Variants in MAK16 observed in about 807,000 individuals in gnomAD.
The protein encoded by MAK16 is MAK16 homolog.
A neutral mutation model predicts 49.9 loss-of-function variants in MAK16; 12 were observed. The ratio of observed to expected loss-of-function variants is 0.24; its 90% CI spans 0.15 to 0.39. MAK16 has a LOEUF of 0.39. MAK16 is among the 10% of genes least tolerant of loss of function. The pLI is 1.00. For synonymous variants in MAK16, 115 were observed against 126.4 expected, an observed-to-expected ratio of 0.91 and a Z score of 0.60; for missense variants, 292 against 363.7, an observed-to-expected ratio of 0.80 and a Z score of 1.60.
chr8:33,491,673 G>A (rs936665532), intron 6 of MAK16, among the ~76,000 whole-genome samples: 1 of 99,834 alleles, frequency 1.0e-5, no homozygotes, highest in Non-Finnish European at 1.8e-5. Context: ...TCACTCTATT[G>A]TCCAGGCTGG....
Position 33,499,237 on chromosome 8 carries a change from T to C in MAK16, c.*608T>C. ...CACTTTTCTGATATAGTTCACCACTTTTCTGTCTTCACAGCTTTGGGGAAT... is the reference window on the plus strand; with the variant it reads ...CACTTTTCTGATATAGTTCACCACTCTTCTGTCTTCACAGCTTTGGGGAAT... On this transcript the variant is annotated 3_prime_UTR_variant, in exon 10 of 10. Coordinates refer to ENST00000360128, the MANE Select transcript of MAK16 (RefSeq NM_032509.4). 6.2e-7 allele frequency: 1 copy of C among 1,614,126 alleles called. No homozygotes were observed. Among genetic ancestry groups the C allele is most frequent in the Non-Finnish European group, 8.5e-7 (1 of 1,180,004 alleles).
At chr8:33,487,665 C>G (rs139036973) in intron 1 of MAK16, among the ~76,000 whole-genome samples, 8 of 127,738 alleles carry the variant, frequency 6.3e-5, no homozygotes, top group Non-Finnish European at 3.5e-5. Context: ...TCAAGTGATC[C>G]GCCTGCCTTG....
rs759605878 is a variant in MAK16, at chr8:33,497,293, T to G, written c.701T>G (p.Phe234Cys). 1.9e-6 allele frequency: 3 copies of G among 1,607,816 alleles called. No individual in the cohort carries two copies. Among genetic ancestry groups the G allele is most frequent in the Non-Finnish European group, 1.7e-6 (2 of 1,175,718 alleles). The change falls in exon 9 of 10, where the codon TTT becomes TGT. Residue 234 changes from phenylalanine (F) to cysteine (C), a missense_variant. Coordinates refer to ENST00000360128, the MANE Select transcript of MAK16 (RefSeq NM_032509.4). ...GEVDESDISD[F>C]EDMDKLDASS... The stretch of plus-strand genomic sequence containing the variant: ...GTAGATGAGAGTGACATAAGTGATT[T>G]TGAGGTGAGCTTTATGGGTAAAAAG...
chr8:33,500,293 A>T lies in MAK16; in HGVS notation c.*1664A>T. 6.2e-7 allele frequency: 1 copy of T among 1,612,976 alleles called. No homozygotes were observed. Among genetic ancestry groups the T allele is most frequent in the Non-Finnish European group, 8.5e-7 (1 of 1,179,148 alleles). Reference sequence around the variant, plus strand: ...TCATGGGAATTACATAAGGATAATGAGGCCCAACTGAAACCAAGTTTCAGT... The same window carrying T: ...TCATGGGAATTACATAAGGATAATGTGGCCCAACTGAAACCAAGTTTCAGT... On this transcript the variant is annotated 3_prime_UTR_variant, in exon 10 of 10. Coordinates refer to ENST00000360128, the MANE Select transcript of MAK16 (RefSeq NM_032509.4).
intron 9 of MAK16, among the ~76,000 whole-genome samples, chr8:33,498,027 T>C (rs1014150043): frequency 6.1e-5 from 9 of 148,398 alleles, no homozygotes; most frequent in Non-Finnish European, 1.3e-4. Context: ...ACCTAGGAGA[T>C]GGAGGTTGCA....
chr8:33,498,402 CTTCCTTTATCTT>C lies in MAK16; in HGVS notation c.706-26_706-15del, dbSNP rs1165367733. 2 of 1,604,050 alleles carry C rather than the reference CTTCCTTTATCTT, an allele frequency of 1.2e-6. No individual in the cohort carries two copies. The highest frequency in any genetic ancestry group is 2.7e-5 in the African/African-American group (2 of 74,442). The stretch of plus-strand genomic sequence containing the variant: ...TTTGGAGAAATCTAGTGTTTTCCCT[CTTCCTTTATCTT>C]TTCTCTCCCCGTAATAGGATATGGA... On this transcript the variant is annotated intron_variant, in intron 9 of 9. Coordinates refer to ENST00000360128, the MANE Select transcript of MAK16 (RefSeq NM_032509.4).
At chr8:33,488,332 C>G in intron 1 of MAK16, 46 bp from the exon 2 acceptor site, 1 of 1,587,132 alleles carries the variant, frequency 6.3e-7, no homozygotes, top group South Asian at 1.1e-5. Flanking sequence ...AATATAGTAT[C>G]TCTTGGGGCA....
intron 9 of MAK16, 91 bp downstream of exon 9, chr8:33,497,388 A>T: frequency 1.0e-6 from 1 of 973,654 alleles, no homozygotes; most frequent in Non-Finnish European, 1.6e-6. Flanking sequence ...ACCGTGGTTC[A>T]CTCCTATAAT....
Position 33,489,229 on chromosome 8 carries a change from T to C in MAK16, c.392+90T>C. On this transcript the variant is annotated intron_variant, in intron 5 of 9. Coordinates refer to ENST00000360128, the MANE Select transcript of MAK16 (RefSeq NM_032509.4). This position sits in a 1 kb window ranked among gnomAD's most constrained non-coding sequence, Gnocchi z 4.2. ...GAAATTGTGAAACTTCGGGGCTTTC[T>C]ATTCAACTTTGTGGAGTCTGTTATG... 6 of 1,208,300 alleles carry C rather than the reference T, an allele frequency of 5.0e-6. No individual in the cohort carries two copies. The South Asian group carries it at 8.6e-5, about 17-fold the overall frequency. 74.8% of individuals were successfully genotyped at this position (1,208,300 alleles called of 1,614,324 possible).
intron 6 of MAK16, among the ~76,000 whole-genome samples, chr8:33,492,584 A>T (rs1454323414): frequency 6.6e-6 from 1 of 152,212 alleles, no homozygotes; most frequent in African/African-American, 2.4e-5. Flanking sequence ...ATAGCACAAG[A>T]TAGGGGTCTA....
intron 9 of MAK16, 62 bp downstream of exon 9, chr8:33,497,359 A>C (rs2128825069): frequency 2.6e-6 from 3 of 1,171,700 alleles, no homozygotes; most frequent in Admixed American, 2.1e-5. Context: ...AAAAAACAAA[A>C]ACAGGGAGGT....
chr8:33,494,287 C>T (rs1165187204), intron 6 of MAK16, among the ~76,000 whole-genome samples: 1 of 152,150 alleles, frequency 6.6e-6, no homozygotes, highest in African/African-American at 2.4e-5. Flanking sequence ...GTTTGTCAGG[C>T]TGGTCTTGAT....
rs1474540881 is a variant in MAK16, at chr8:33,489,755, A to C, written c.393-530A>C. The stretch of plus-strand genomic sequence containing the variant: ...AATGATCTAAGACATGTGACTATAC[A>C]GGAATGTAAGAACTTTACTCTGGAT... On this transcript the variant is annotated intron_variant, in intron 5 of 9. Transcript: ENST00000360128. This position sits in a 1 kb window ranked among gnomAD's most constrained non-coding sequence, Gnocchi z 4.2. Among the ~76,000 whole-genome samples the C allele has an allele frequency of 1.3e-5, 2 of 152,346 alleles. No homozygotes were observed. Among genetic ancestry groups the C allele is most frequent in the African/African-American group, 4.8e-5 (2 of 41,596 alleles).
rs1273017636 is a variant in MAK16, at chr8:33,500,464, A to G, written c.*1835A>G. ...ACAAATCAGTTTCAAGAGGGCCTTC[A>G]GTAAGACCACAAGTCTGCAGGAAAC... On this transcript the variant is annotated 3_prime_UTR_variant, in exon 10 of 10. Transcript: ENST00000360128. 19 of 1,614,046 alleles carry G rather than the reference A, an allele frequency of 1.2e-5. No homozygotes were observed. The highest frequency in any genetic ancestry group is 5.0e-5 in the Admixed American group (3 of 60,002).
chr8:33,500,067 G>T lies in MAK16; in HGVS notation c.*1438G>T. 3.0e-6 allele frequency: 1 copy of T among 338,602 alleles called. No homozygotes were observed. Among genetic ancestry groups the T allele is most frequent in the South Asian group, 4.6e-5 (1 of 21,648 alleles). The allele number at this position is 338,602 out of a possible 1,614,324, so 21.0% of individuals were successfully genotyped here. A position where few individuals can be genotyped will look rare whatever the true frequency, so the allele number is the denominator to read the frequency against. On this transcript the variant is annotated 3_prime_UTR_variant, in exon 10 of 10. Transcript: ENST00000360128. The stretch of plus-strand genomic sequence containing the variant: ...ACAAACTTTTGATCATAATGCTTTT[G>T]CCCATACTGTCTCGTCCTTAGCCCC...
In MAK16 at chr8:33,500,163, A is replaced by G; in HGVS notation, c.*1534A>G. The G allele has an allele frequency of 1.4e-6, 1 of 717,898 alleles. No individual in the cohort carries two copies. The highest frequency in any genetic ancestry group is 2.3e-6 in the Non-Finnish European group (1 of 444,218). 44.5% of individuals were successfully genotyped at this position (717,898 alleles called of 1,614,324 possible). Reference sequence around the variant, plus strand: ...AATAGCTTTAAAAGATGAATAAGAAAAAAGATCAAGCTCTTTTGAGGCTAG... The same window carrying G: ...AATAGCTTTAAAAGATGAATAAGAAGAAAGATCAAGCTCTTTTGAGGCTAG... On this transcript the variant is annotated 3_prime_UTR_variant, in exon 10 of 10. Transcript: ENST00000360128.
intron 1 of MAK16, among the ~76,000 whole-genome samples, chr8:33,487,486 C>T (rs143235437): frequency 0.012 from 1,786 of 150,514 alleles, 39 homozygotes; most frequent in African/African-American, 0.039. Flanking sequence ...AGTGCAGTGG[C>T]GTGATCTCGG....
intron 5 of MAK16, among the ~76,000 whole-genome samples, chr8:33,490,031 CT>C (rs1808752245): frequency 6.6e-6 from 1 of 152,114 alleles, no homozygotes; most frequent in South Asian, 2.1e-4. Context: ...AAATATATGA[CT>C]TTTTATAGTA....
In MAK16 at chr8:33,498,679, T is replaced by TTG. The variant is rs775161443; in HGVS notation, c.*51_*52insGT. On this transcript the variant is annotated 3_prime_UTR_variant, in exon 10 of 10. Transcript: ENST00000360128. ...GGACTGAACATGCAGAACTGTTTTT[T>TTG]TTTTTTTTTTATCTTAAACACATAC... is the stretch of plus-strand genomic sequence containing the variant. The TTG allele has an allele frequency of 1.1e-5, 17 of 1,526,312 alleles. No homozygotes were observed. The highest frequency in any genetic ancestry group is 9.8e-6 in the Non-Finnish European group (11 of 1,124,446). 94.5% of individuals were successfully genotyped at this position (1,526,312 alleles called of 1,614,324 possible).
Sources: allele counts gnomAD v4.1 joint callset (sites outside exome capture counted in the v4.1 genomes callset), GRCh38; gene constraint gnomAD v4.1.1; non-coding constraint Gnocchi (gnomAD v3.1); transcripts MANE v1.5; gene names NCBI Gene and HGNC (gene_info 2026-07-23, HGNC 2026-07-21).